The following MYO10 variants were observed in gnomAD, a reference collection of about 807,000 sequenced individuals.
MYO10 encodes unconventional myosin-X.
In MYO10, 133 loss-of-function variants were observed where a neutral mutation model predicts 257.3. The observed-to-expected ratio is 0.52, with a 90% CI of 0.45 to 0.60. The LOEUF is 0.60. MYO10 is among the 20% of genes least tolerant of loss of function. The pLI is 0.00. For synonymous variants in MYO10, 1,104 were observed against 1,028.6 expected (o/e 1.07, Z -1.40); for missense variants, 2,399 against 2,635.7 (o/e 0.91, Z 1.97).
chr5:16,871,283 A>G (rs1336353835), intron 2 of MYO10, among the ~76,000 whole-genome samples: 1 of 152,216 alleles, frequency 6.6e-6, no homozygotes, highest in Admixed American at 6.5e-5. Context: ...GATCAAGGAC[A>G]AGACCATGCT....
chr5:16,674,008 G>C (rs1390692208), intron 35 of MYO10, 119 bp from the exon 36 acceptor site: 3 of 811,028 alleles, frequency 3.7e-6, no homozygotes, highest in Admixed American at 2.3e-5. Flanking sequence ...CTGGTGAATG[G>C]AGCAAGCACC....
chr5:16,797,912 T>C (rs1580002741), intron 3 of MYO10, among the ~76,000 whole-genome samples: 1 of 152,260 alleles, frequency 6.6e-6, no homozygotes, highest in African/African-American at 2.4e-5. Context: ...TTAATTGCCA[T>C]TGTAACAGTA....
At chr5:16,801,050 G>A (rs1161985709) in intron 3 of MYO10, among the ~76,000 whole-genome samples, 4 of 152,084 alleles carry the variant, frequency 2.6e-5, no homozygotes, top group Non-Finnish European at 2.9e-5. Flanking sequence ...TGCCTCAGAT[G>A]TGTGACGATC....
At chr5:16,860,182 G>T (rs896256845) in intron 2 of MYO10, among the ~76,000 whole-genome samples, 1 of 151,834 alleles carries the variant, frequency 6.6e-6, no homozygotes, top group Non-Finnish European at 1.5e-5. Flanking sequence ...CATAAGAAAG[G>T]GGGAGAAAAA....
At chr5:16,796,186 CAA>C (rs796981409) in intron 3 of MYO10, among the ~76,000 whole-genome samples, 4 of 48,856 alleles carry the variant, frequency 8.2e-5, no homozygotes, top group East Asian at 4.3e-4. Context: ...GAGACTCTGT[CAA>C]AAAAAAAAAA....
chr5:16,757,344 G>A (rs1376835119), intron 18 of MYO10, among the ~76,000 whole-genome samples: 22 of 116,110 alleles, frequency 1.9e-4, no homozygotes, highest in Admixed American at 2.8e-4. Flanking sequence ...ACACACACAC[G>A]GAAAAAAAAA....
chr5:16,672,181 G>C (rs1256047028), intron 37 of MYO10, among the ~76,000 whole-genome samples: 1 of 151,964 alleles, frequency 6.6e-6, no homozygotes, highest in Admixed American at 6.6e-5. Context: ...TGTAATCCCA[G>C]CTACTCGGGA....
chr5:16,668,436 C>T lies in MYO10; in HGVS notation c.5916G>A (p.Trp1972Ter). ...CKEGGFPQEL[W>*]LGVSADAVSV... ...AGACGGCGTCCGCGCTGACACCCAA[C>T]CAGAGTTCCTGAGGGAAGCCACCTT... Residue 1972 changes from tryptophan (W) to a stop codon, truncating the protein, a stop_gained, in exon 40 of 41, where the codon TGG (tryptophan) becomes TGA (stop). Transcript: ENST00000513610. LOFTEE classifies it high-confidence loss of function. 1.2e-6 allele frequency: 2 copies of T among 1,611,924 alleles called. No homozygotes were observed. Among genetic ancestry groups the T allele is most frequent in the East Asian group, 2.2e-5 (1 of 44,876 alleles).
At chr5:16,913,474 A>G (rs961419569) in intron 1 of MYO10, among the ~76,000 whole-genome samples, 2 of 152,276 alleles carry the variant, frequency 1.3e-5, no homozygotes, top group African/African-American at 4.8e-5. Context: ...TTTGGTTTTC[A>G]CCCTGGTATC....
intron 1 of MYO10, among the ~76,000 whole-genome samples, chr5:16,920,320 A>G (rs1377206202): frequency 6.6e-6 from 1 of 152,222 alleles, no homozygotes; most frequent in Admixed American, 6.5e-5. Context: ...GTTCCTGAAC[A>G]ATGCAATATT....
chr5:16,891,379 GGA>G (rs144143593), intron 1 of MYO10, among the ~76,000 whole-genome samples: 1 of 109,976 alleles, frequency 9.1e-6, no homozygotes, highest in African/African-American at 3.9e-5. Context: ...AAGGAAGGAA[GGA>G]GAGAGAGAGG....
intron 1 of MYO10, among the ~76,000 whole-genome samples, chr5:16,905,134 C>A (rs1745485856): frequency 6.6e-6 from 1 of 152,124 alleles, no homozygotes; most frequent in Non-Finnish European, 1.5e-5. Context: ...TCGCTTGATG[C>A]GGAGGGCACG....
chr5:16,745,558 G>A (rs1183325495), intron 19 of MYO10, among the ~76,000 whole-genome samples: 1 of 151,942 alleles, frequency 6.6e-6, no homozygotes, highest in Admixed American at 6.6e-5. Context: ...CAGTGGTGGT[G>A]TATGCCTGTA....
At chr5:16,732,807 C>T (rs1739637117) in intron 19 of MYO10, among the ~76,000 whole-genome samples, 1 of 152,142 alleles carries the variant, frequency 6.6e-6, no homozygotes, top group South Asian at 2.1e-4. Flanking sequence ...ATTTGGAATG[C>T]TTGGCTGAAT....
At chr5:16,742,976 C>T (rs1351634973) in intron 19 of MYO10, among the ~76,000 whole-genome samples, 1 of 152,002 alleles carries the variant, frequency 6.6e-6, no homozygotes, top group African/African-American at 2.4e-5. Flanking sequence ...CAAAATTAGC[C>T]GGGCATGGTG....
intron 2 of MYO10, among the ~76,000 whole-genome samples, chr5:16,852,160 T>G (rs1391716092): frequency 6.7e-6 from 1 of 148,210 alleles, no homozygotes; most frequent in Admixed American, 6.8e-5. Flanking sequence ...GTTGGTTAAC[T>G]GAACAAGCCC....
chr5:16,764,211 C>A, intron 12 of MYO10, 39 bp downstream of exon 12: 1 of 1,606,452 alleles, frequency 6.2e-7, no homozygotes, highest in South Asian at 1.1e-5. Context: ...TAATCATGGA[C>A]AGAAGAGAAT....
At chr5:16,893,516 C>T (rs1267319728) in intron 1 of MYO10, among the ~76,000 whole-genome samples, 4 of 151,580 alleles carry the variant, frequency 2.6e-5, no homozygotes, top group Admixed American at 2.6e-4. Flanking sequence ...TGCCTGTAGT[C>T]CCAGCTACTC....
In MYO10 at chr5:16,764,309, C is replaced by G. The variant is rs775037553; in HGVS notation, c.1267G>C (p.Gly423Arg). The G allele has an allele frequency of 5.3e-5, 85 of 1,613,880 alleles. 1 individual carries two copies. The highest frequency in any genetic ancestry group is 2.8e-5 in the Non-Finnish European group (33 of 1,179,900). ...VIKKINSRIKGNEDFKSIGIL... is the reference protein window; with the variant it reads ...VIKKINSRIKRNEDFKSIGIL... Reference sequence around the variant, plus strand: ...CCAATAGACTTGAAGTCCTCATTGCCTTTGATCCTGCTGTTGATCTTCTTG... The same window carrying G: ...CCAATAGACTTGAAGTCCTCATTGCGTTTGATCCTGCTGTTGATCTTCTTG... The change falls in exon 12 of 41, where the codon GGC becomes CGC. Residue 423 changes from glycine to arginine, a missense_variant. Coordinates refer to ENST00000513610, the MANE Select transcript of MYO10 (RefSeq NM_012334.3).
Sources: allele counts gnomAD v4.1 joint callset (sites outside exome capture counted in the v4.1 genomes callset), GRCh38; gene constraint gnomAD v4.1.1; transcripts MANE v1.5; gene names NCBI Gene and HGNC (gene_info 2026-07-23, HGNC 2026-07-21).